HTR2C: variants seen among roughly 807,000 people sequenced by gnomAD.
HTR2C encodes 5-hydroxytryptamine receptor 2C.
A neutral mutation model predicts 21.0 loss-of-function variants in HTR2C; 5 were observed. The ratio of observed to expected loss-of-function variants is 0.24; its 90% confidence interval spans 0.12 to 0.50. The LOEUF is 0.50. Among genes scored for constraint, HTR2C ranks in the 20% least tolerant of loss-of-function variants. The pLI is 0.98. For missense variants in HTR2C, 271 were observed against 371.2 expected (o/e 0.73, Z 2.22); for synonymous variants, 150 against 145.3 (o/e 1.03, Z -0.23).
At chrX:114,820,484 A>G (rs1205102554) in intron 4 of HTR2C, among the ~76,000 whole-genome samples, 5 of 110,713 alleles carry the variant, frequency 4.5e-5, no homozygotes, top group African/African-American at 1.6e-4. Flanking sequence ...ACTGATATAT[A>G]GAGAACACAG....
intron 2 of HTR2C, among the ~76,000 whole-genome samples, chrX:114,637,198 A>C (rs2147821886): frequency 8.9e-6 from 1 of 111,873 alleles, no homozygotes; most frequent in South Asian, 3.7e-4. Flanking sequence ...AAAGTGTTAA[A>C]TCAGAGATAT....
intron 4 of HTR2C, among the ~76,000 whole-genome samples, chrX:114,807,200 A>G (rs199910082): frequency 0.03 from 386 of 12,771 alleles, 171 homozygotes; most frequent in East Asian, 0.14. Context: ...CACCATATAT[A>G]TATACACCAT....
chrX:114,794,050 T>G (rs1283096348), intron 4 of HTR2C, among the ~76,000 whole-genome samples: 2 of 111,611 alleles, frequency 1.8e-5, no homozygotes, highest in South Asian at 7.4e-4. Context: ...TCAGTGATTT[T>G]AGTATTTGAT....
intron 5 of HTR2C, among the ~76,000 whole-genome samples, chrX:114,866,516 C>A (rs1395309099): frequency 9.1e-6 from 1 of 110,097 alleles, no homozygotes; most frequent in Non-Finnish European, 1.9e-5. Context: ...CAAATTACAC[C>A]CTTTAAGTTA....
chrX:114,593,246 A>G (rs781894358), intron 1 of HTR2C, among the ~76,000 whole-genome samples: 1 of 111,674 alleles, frequency 9.0e-6, no homozygotes, highest in Admixed American at 9.5e-5. Flanking sequence ...CTTACATGGC[A>G]CTTAGCACAT....
chrX:114,669,920 T>C (rs1235829711), intron 2 of HTR2C, among the ~76,000 whole-genome samples: 2 of 111,886 alleles, frequency 1.8e-5, no homozygotes, highest in Admixed American at 1.9e-4. Flanking sequence ...GTTAAATAAT[T>C]GGCCTCAGAT....
chrX:114,764,869 TTC>T (rs1415661065), intron 4 of HTR2C, among the ~76,000 whole-genome samples: 1 of 33,698 alleles, frequency 3.0e-5, no homozygotes, highest in Non-Finnish European at 5.5e-5. Flanking sequence ...GAATCAATCT[TTC>T]TTTCTTTCTT....
At chrX:114,875,866 T>TC (rs35987575) in intron 5 of HTR2C, among the ~76,000 whole-genome samples, 1 of 110,063 alleles carries the variant, frequency 9.1e-6, no homozygotes, top group Non-Finnish European at 1.9e-5. Context: ...CTTTTTTTTT[T>TC]CACTTAATTC....
intron 2 of HTR2C, among the ~76,000 whole-genome samples, chrX:114,694,538 G>T (rs782555952): frequency 5.7e-4 from 38 of 67,254 alleles, no homozygotes; most frequent in Middle Eastern, 9.8e-3. Context: ...GCCCGGGCTG[G>T]AGTGCAGAGG....
intron 5 of HTR2C, among the ~76,000 whole-genome samples, chrX:114,864,371 T>C (rs1167133925): frequency 1.8e-5 from 2 of 111,665 alleles, no homozygotes; most frequent in Non-Finnish European, 3.8e-5. Context: ...TCTACTATTT[T>C]AAGCTAACAA....
At chrX:114,618,795 G>A (rs1056699114) in intron 2 of HTR2C, among the ~76,000 whole-genome samples, 28 of 111,304 alleles carry the variant, frequency 2.5e-4, no homozygotes, top group African/African-American at 9.1e-4. Flanking sequence ...TTAAACATAT[G>A]GCCCAGACAA....
Position 114,678,650 on chromosome X carries a change from C to T in HTR2C, c.-79-48208C>T, listed in dbSNP as rs1485215830. 5.4e-5 allele frequency among the ~76,000 whole-genome samples: 6 copies of T among 111,321 alleles called. No homozygotes were observed. In the Admixed American group the frequency reaches 5.8e-4, roughly 11 times the overall value. ...TTCTGGTAATCATAATCTTGTGAGG[C>T]TCAAATGAGATAATGAATGTGAAAG... On this transcript the variant is annotated intron_variant, in intron 2 of 5. Transcript: ENST00000276198.
chrX:114,822,822 C>T (rs2070646662), intron 4 of HTR2C, among the ~76,000 whole-genome samples: 1 of 111,753 alleles, frequency 8.9e-6, no homozygotes, highest in Non-Finnish European at 1.9e-5. Context: ...GTTCTTGGTG[C>T]TGAGAGACTT....
At chrX:114,649,393 T>C (rs181165267) in intron 2 of HTR2C, among the ~76,000 whole-genome samples, 1 of 111,628 alleles carries the variant, frequency 9.0e-6, no homozygotes, top group Non-Finnish European at 1.9e-5. Flanking sequence ...TACAATATGG[T>C]ACAGCAGGCT....
In HTR2C at chrX:114,836,457, T is replaced by A. The variant is rs926546003; in HGVS notation, c.350-11546T>A. ...GAAAAGCGCAGTATTCGGGTGAGAG[T>A]GACCCGATTTTCCAGGTGTGTCTGT... On this transcript the variant is annotated intron_variant, in intron 4 of 5. Transcript: ENST00000276198. 4.6e-4 allele frequency among the ~76,000 whole-genome samples: 51 copies of A among 112,036 alleles called. 2 individuals carry two copies. Among genetic ancestry groups the A allele is most frequent in the Non-Finnish European group, 1.7e-4 (9 of 53,102 alleles).
chrX:114,689,617 A>G (rs1295660240), intron 2 of HTR2C, among the ~76,000 whole-genome samples: 1 of 110,770 alleles, frequency 9.0e-6, no homozygotes, highest in Non-Finnish European at 1.9e-5. Flanking sequence ...GGTGATGTTA[A>G]GCATTTTTTT....
At chrX:114,712,249 T>C (rs1932903031) in intron 2 of HTR2C, among the ~76,000 whole-genome samples, 1 of 111,703 alleles carries the variant, frequency 9.0e-6, no homozygotes, top group Non-Finnish European at 1.9e-5. Context: ...TTAACATATT[T>C]CACTGCATAA....
intron 5 of HTR2C, among the ~76,000 whole-genome samples, chrX:114,890,448 T>G (rs1420193305): frequency 4.5e-5 from 5 of 112,313 alleles, no homozygotes; most frequent in Non-Finnish European, 9.4e-5. Flanking sequence ...TCTTGTTCCC[T>G]TCATTATTTC....
rs200260174 is a variant in HTR2C, at chrX:114,907,017, T to C, written c.979T>C (p.Phe327Leu). ...FFVFLIMWCP[F>L]FITNILSVLC... Reference sequence around the variant, plus strand: ...TGTGTTTCTGATCATGTGGTGCCCATTTTTCATTACCAATATTCTGTCTGT... The same window carrying C: ...TGTGTTTCTGATCATGTGGTGCCCACTTTTCATTACCAATATTCTGTCTGT... The change falls in exon 6 of 6, where the codon TTT (phenylalanine) becomes CTT (leucine). Residue 327 changes from phenylalanine (F) to leucine (L), a missense_variant. Coordinates refer to ENST00000276198, the MANE Select transcript of HTR2C (RefSeq NM_000868.4). 1.2e-5 allele frequency: 14 copies of C among 1,210,794 alleles called. No homozygotes were observed. The highest frequency in any genetic ancestry group is 1.6e-5 in the Non-Finnish European group (14 of 894,676).
Sources: allele counts gnomAD v4.1 joint callset (sites outside exome capture counted in the v4.1 genomes callset), GRCh38; gene constraint gnomAD v4.1.1; transcripts MANE v1.5; gene names NCBI Gene and HGNC (gene_info 2026-07-23, HGNC 2026-07-21).